Variants in WDR27 observed in about 807,000 individuals in gnomAD.
The protein encoded by WDR27 is WD repeat-containing protein 27.
WDR27 carries 100 observed loss-of-function variants against 114.4 expected under a neutral mutation model. The ratio of observed to expected loss-of-function variants is 0.87; its 90% CI spans 0.74 to 1.03. The LOEUF is 1.03. WDR27 is among the 50% of genes least tolerant of loss of function. The pLI is 0.00. For synonymous variants in WDR27, 449 were observed against 423.1 expected, an observed-to-expected ratio of 1.06 and a Z score of -0.75; for missense variants, 1,129 against 1,092.9, an observed-to-expected ratio of 1.03 and a Z score of -0.47.
intron 23 of WDR27, among the ~76,000 whole-genome samples, chr6:169,595,300 T>C (rs1013045577): frequency 1.3e-5 from 2 of 152,228 alleles, no homozygotes; most frequent in African/African-American, 4.8e-5. Flanking sequence ...TCTAGATAGT[T>C]CTTTGGGCAC....
intron 25 of WDR27, among the ~76,000 whole-genome samples, chr6:169,537,101 G>A (rs369171668): frequency 5.9e-5 from 9 of 152,242 alleles, no homozygotes; most frequent in Middle Eastern, 3.4e-3. Flanking sequence ...TAACAGAGAC[G>A]CGTGTAGGTC....
At chr6:169,590,807 T>C (rs1364725636) in intron 23 of WDR27, among the ~76,000 whole-genome samples, 4 of 152,254 alleles carry the variant, frequency 2.6e-5, no homozygotes, top group African/African-American at 4.8e-5. Flanking sequence ...GGTAAATACC[T>C]GAGGCAGCAG....
intron 21 of WDR27, among the ~76,000 whole-genome samples, chr6:169,623,196 C>A (rs181741463): frequency 6.6e-6 from 1 of 152,112 alleles, no homozygotes; most frequent in Non-Finnish European, 1.5e-5. Flanking sequence ...GCTGGTCGTG[C>A]GGCCCCCACC....
At chr6:169,547,330 A>C (rs1318594592) in intron 25 of WDR27, among the ~76,000 whole-genome samples, 2 of 152,194 alleles carry the variant, frequency 1.3e-5, no homozygotes, top group East Asian at 3.8e-4. Context: ...TGAGGCCAGC[A>C]TTACTCTAAC....
At chr6:169,645,036 T>TAAAAAAA (rs369797685) in intron 16 of WDR27, among the ~76,000 whole-genome samples, 97 of 76,938 alleles carry the variant, frequency 1.3e-3, no homozygotes, top group Non-Finnish European at 1.9e-3. Context: ...AAAAAAAAAA[T>TAAAAAAA]AAAAAAAAAA....
At chr6:169,603,645 T>G (rs1424463829) in intron 22 of WDR27, among the ~76,000 whole-genome samples, 1 of 152,202 alleles carries the variant, frequency 6.6e-6, no homozygotes, top group African/African-American at 2.4e-5. Flanking sequence ...TCTTGTCTAA[T>G]GAGCTCAGTG....
intron 22 of WDR27, among the ~76,000 whole-genome samples, chr6:169,603,468 A>G (rs1808465001): frequency 6.6e-6 from 1 of 152,206 alleles, no homozygotes; most frequent in African/African-American, 2.4e-5. Flanking sequence ...CCTTCCATTA[A>G]ATGACAACTC....
chr6:169,581,400 A>G (rs977615627), intron 24 of WDR27, among the ~76,000 whole-genome samples: 1 of 152,146 alleles, frequency 6.6e-6, no homozygotes, highest in Non-Finnish European at 1.5e-5. Flanking sequence ...CTCACTGCCC[A>G]AATGCTATTC....
At chr6:169,560,794 C>T (rs1483597217) in intron 25 of WDR27, among the ~76,000 whole-genome samples, 1 of 152,146 alleles carries the variant, frequency 6.6e-6, no homozygotes, top group Non-Finnish European at 1.5e-5. Context: ...CATGCAGATA[C>T]ACACACGCCC....
chr6:169,655,321 G>A (rs1269276096), intron 13 of WDR27, among the ~76,000 whole-genome samples: 2 of 152,244 alleles, frequency 1.3e-5, no homozygotes, highest in Admixed American at 6.5e-5. Context: ...GGGGAACCCC[G>A]AGCCCAGCAG....
chr6:169,622,161 C>T (rs1813512551), intron 21 of WDR27, among the ~76,000 whole-genome samples: 2 of 152,296 alleles, frequency 1.3e-5, no homozygotes, highest in Admixed American at 6.5e-5. Context: ...TTTGTGTCTT[C>T]CTGCCTTTGC....
At chr6:169,607,887 C>T (rs776264556) in intron 22 of WDR27, among the ~76,000 whole-genome samples, 3 of 151,926 alleles carry the variant, frequency 2.0e-5, no homozygotes, top group Non-Finnish European at 4.4e-5. Flanking sequence ...CACTTAATGC[C>T]GGGGATACAT....
At chr6:169,479,352 A>T (rs570688531) in intron 25 of WDR27, among the ~76,000 whole-genome samples, 1 of 152,330 alleles carries the variant, frequency 6.6e-6, no homozygotes, top group South Asian at 2.1e-4. Flanking sequence ...ATCTCATACC[A>T]ATCAGAATGG....
At chr6:169,695,603 A>G (rs1785697171) in intron 1 of WDR27, among the ~76,000 whole-genome samples, 1 of 152,162 alleles carries the variant, frequency 6.6e-6, no homozygotes, top group Non-Finnish European at 1.5e-5. Context: ...CACCAATTAC[A>G]TAAAATAGTA....
chr6:169,654,632 T>C (rs534742793), intron 13 of WDR27, among the ~76,000 whole-genome samples: 1 of 152,300 alleles, frequency 6.6e-6, no homozygotes, highest in South Asian at 2.1e-4. Flanking sequence ...AGAATTTAGA[T>C]GCGAAAAGCA....
At chr6:169,526,051 T>C (rs1387297341) in intron 25 of WDR27, among the ~76,000 whole-genome samples, 2 of 151,988 alleles carry the variant, frequency 1.3e-5, no homozygotes, top group African/African-American at 2.4e-5. Flanking sequence ...TGAAGATAGA[T>C]AGAGAATAGA....
At chr6:169,635,970 A>C (rs1817582051) in intron 19 of WDR27, among the ~76,000 whole-genome samples, 1 of 152,212 alleles carries the variant, frequency 6.6e-6, no homozygotes, top group Admixed American at 6.5e-5. Flanking sequence ...AGATAGTGAA[A>C]TGTTAATACT....
intron 25 of WDR27, among the ~76,000 whole-genome samples, chr6:169,538,208 G>C (rs779806919): frequency 6.6e-6 from 1 of 152,176 alleles, no homozygotes; most frequent in Non-Finnish European, 1.5e-5. Context: ...GATGGTCACA[G>C]GGTGGTGAAA....
chr6:169,571,041 T>C (rs1801328992), intron 25 of WDR27, among the ~76,000 whole-genome samples: 1 of 152,284 alleles, frequency 6.6e-6, no homozygotes, highest in Admixed American at 6.5e-5. Context: ...TAGAAAGAAA[T>C]AGTGCAATCT....
Sources: allele counts gnomAD v4.1 joint callset (sites outside exome capture counted in the v4.1 genomes callset), GRCh38; gene constraint gnomAD v4.1.1; transcripts MANE v1.5; gene names NCBI Gene and HGNC (gene_info 2026-07-23, HGNC 2026-07-21).